Variants in SLC35F3 observed in about 807,000 individuals in gnomAD.
The protein encoded by SLC35F3 is solute carrier family 35 member F3.
A neutral mutation model predicts 49.9 loss-of-function variants in SLC35F3; 25 were observed. The observed-to-expected ratio is 0.50, with a 90% CI of 0.37 to 0.70. The LOEUF is 0.70. Among genes scored for constraint, SLC35F3 ranks in the 30% least tolerant of loss-of-function variants. The pLI, the probability that SLC35F3 is intolerant of heterozygous loss-of-function variation, is 0.00. For missense variants in SLC35F3, 525 were observed against 639.8 expected, an observed-to-expected ratio of 0.82 and a Z score of 1.94; for synonymous variants, 275 against 265.4, an observed-to-expected ratio of 1.04 and a Z score of -0.35.
intron 2 of SLC35F3, among the ~76,000 whole-genome samples, chr1:233,997,900 C>T (rs1279260140): frequency 1.3e-5 from 2 of 152,108 alleles, no homozygotes; most frequent in East Asian, 1.9e-4. Flanking sequence ...TACAGGCACC[C>T]ACCACCATGC....
Position 234,035,080 on chromosome 1 carries a change from A to C in SLC35F3, c.283+129322A>C, listed in dbSNP as rs148718059. Reference sequence around the variant, plus strand: ...TGCGCAGCTGTCATCCTGGCATCTCATTCTGGGTATTCACTCCCTGCCTTC... The same window carrying C: ...TGCGCAGCTGTCATCCTGGCATCTCCTTCTGGGTATTCACTCCCTGCCTTC... On this transcript the variant is annotated intron_variant, in intron 2 of 7. Transcript: ENST00000366618. Among the ~76,000 whole-genome samples the C allele has an allele frequency of 1.9e-3, 283 of 152,120 alleles. 1 individual carries two copies. Among genetic ancestry groups the C allele is most frequent in the Non-Finnish European group, 3.3e-3 (224 of 67,992 alleles).
intron 2 of SLC35F3, among the ~76,000 whole-genome samples, chr1:234,089,631 G>A (rs1394274935): frequency 3.9e-5 from 6 of 152,144 alleles, no homozygotes; most frequent in African/African-American, 1.4e-4. Context: ...GGTGTACCCC[G>A]GGGTGGTCAC....
At chr1:233,915,711 G>A (rs975975410) in intron 2 of SLC35F3, among the ~76,000 whole-genome samples, 6 of 152,166 alleles carry the variant, frequency 3.9e-5, no homozygotes, top group Non-Finnish European at 5.9e-5. Flanking sequence ...GGCTGGGGAA[G>A]CCTCACAATC....
At chr1:234,117,912 ATGTGTGTGTGTGTGTGTGTG>A (rs370186911) in intron 2 of SLC35F3, among the ~76,000 whole-genome samples, 45,208 of 113,838 alleles carry the variant, frequency 0.4, 12,194 homozygotes, top group Middle Eastern at 0.57. Flanking sequence ...AAGACTATAT[ATGTGTGTGTGTGTGTGTGTG>A]TGTGTGTGTG....
chr1:233,977,055 G>A lies in SLC35F3; in HGVS notation c.283+71297G>A, dbSNP rs1427440597. 3.9e-5 allele frequency among the ~76,000 whole-genome samples: 6 copies of A among 152,282 alleles called. No individual in the cohort carries two copies. In the East Asian group the frequency reaches 7.7e-4, roughly 20 times the overall value. ...GCATCCTTGTTAAAGTTAAAGAGTAGGACTTTCAAATGTCACCTGGTGAAA... is the reference window on the plus strand; with the variant it reads ...GCATCCTTGTTAAAGTTAAAGAGTAAGACTTTCAAATGTCACCTGGTGAAA... On this transcript the variant is annotated intron_variant, in intron 2 of 7. Transcript: ENST00000366618.
intron 2 of SLC35F3, among the ~76,000 whole-genome samples, chr1:234,193,556 C>A (rs995647265): frequency 6.6e-6 from 1 of 152,066 alleles, no homozygotes; most frequent in Non-Finnish European, 1.5e-5. Flanking sequence ...TGACCAAGAA[C>A]CCAAAAGCAA....
chr1:234,191,902 C>T (rs1666735966), intron 2 of SLC35F3, among the ~76,000 whole-genome samples: 1 of 151,850 alleles, frequency 6.6e-6, no homozygotes, highest in Non-Finnish European at 1.5e-5. Flanking sequence ...TAGATTAAGT[C>T]AGGAAGAATT....
In SLC35F3 at chr1:234,231,240, G is replaced by T. The variant is rs949082774; in HGVS notation, c.284-177G>T. Among the ~76,000 whole-genome samples the T allele has an allele frequency of 1.3e-5, 2 of 152,222 alleles. No individual in the cohort carries two copies. The highest frequency in any genetic ancestry group is 1.3e-4 in the Admixed American group (2 of 15,290). ...GGACCTGGAGGACAGGAAAACCAGT[G>T]CAAACGTTTTCTATTGCAGCTTGCT... On this transcript the variant is annotated intron_variant, in intron 2 of 7. Coordinates refer to ENST00000366618, the MANE Select transcript of SLC35F3 (RefSeq NM_173508.4). This position sits in a 1 kb window ranked among gnomAD's most constrained non-coding sequence, Gnocchi z 5.4.
intron 3 of SLC35F3, 57 bp from the exon 4 acceptor site, chr1:234,309,044 A>G: frequency 1.4e-6 from 2 of 1,457,408 alleles, no homozygotes; most frequent in Non-Finnish European, 9.4e-7. Flanking sequence ...TATAGGAAAT[A>G]AATGGTCTGT....
At chr1:234,097,319 A>G (rs1331449905) in intron 2 of SLC35F3, among the ~76,000 whole-genome samples, 1 of 152,138 alleles carries the variant, frequency 6.6e-6, no homozygotes, top group East Asian at 1.9e-4. Flanking sequence ...ACCAAAAATC[A>G]CTTGTACCCC....
chr1:234,320,906 T>G lies in SLC35F3; in HGVS notation c.1237+719T>G, dbSNP rs1211822989. Among the ~76,000 whole-genome samples the G allele has an allele frequency of 6.6e-6, 1 of 152,094 alleles. No individual in the cohort carries two copies. Among genetic ancestry groups the G allele is most frequent in the Non-Finnish European group, 1.5e-5 (1 of 67,996 alleles). ...CTCCTGGCCTCATACCTGACCTCCCTAGGCATCCTTCTCTCAGCCAGAAAA... is the reference window on the plus strand; with the variant it reads ...CTCCTGGCCTCATACCTGACCTCCCGAGGCATCCTTCTCTCAGCCAGAAAA... On this transcript the variant is annotated intron_variant, in intron 7 of 7. Coordinates refer to ENST00000366618, the MANE Select transcript of SLC35F3 (RefSeq NM_173508.4). The surrounding 1 kb of genome is among the most constrained non-coding windows in gnomAD (Gnocchi z 4.8).
rs150879777 is a variant in SLC35F3, at chr1:234,132,360, A to C, written c.284-99057A>C. 8.5e-5 allele frequency among the ~76,000 whole-genome samples: 13 copies of C among 152,380 alleles called. No individual in the cohort carries two copies. In the East Asian group the frequency reaches 2.3e-3, roughly 27 times the overall value. On this transcript the variant is annotated intron_variant, in intron 2 of 7. Coordinates refer to ENST00000366618, the MANE Select transcript of SLC35F3 (RefSeq NM_173508.4). ...TTGCTATAAGCAATGTACAATAAGCACTAGTATACATCCATAATTAGTTTC... is the reference window on the plus strand; with the variant it reads ...TTGCTATAAGCAATGTACAATAAGCCCTAGTATACATCCATAATTAGTTTC...
chr1:234,106,938 G>A (rs1665293227), intron 2 of SLC35F3, among the ~76,000 whole-genome samples: 1 of 152,162 alleles, frequency 6.6e-6, no homozygotes. Flanking sequence ...CATCCTTCTT[G>A]TCATTTATAA....
At chr1:234,282,895 G>T (rs1668352173) in intron 3 of SLC35F3, among the ~76,000 whole-genome samples, 1 of 152,202 alleles carries the variant, frequency 6.6e-6, no homozygotes, top group Non-Finnish European at 1.5e-5. Context: ...TGGGGAATGG[G>T]TTATTAAAGG....
intron 2 of SLC35F3, among the ~76,000 whole-genome samples, chr1:233,955,826 A>G (rs971318666): frequency 6.2e-5 from 9 of 144,480 alleles, no homozygotes; most frequent in Non-Finnish European, 1.2e-4. Context: ...TCTTTGGTCA[A>G]CTGTGTTTCC....
At chr1:234,290,975 G>T (rs946233628) in intron 3 of SLC35F3, among the ~76,000 whole-genome samples, 1 of 152,088 alleles carries the variant, frequency 6.6e-6, no homozygotes, top group Non-Finnish European at 1.5e-5. Flanking sequence ...GTAAGGAGAG[G>T]CCACCAATAG....
At chr1:233,915,362 C>T (rs1038696535) in intron 2 of SLC35F3, among the ~76,000 whole-genome samples, 2 of 152,140 alleles carry the variant, frequency 1.3e-5, no homozygotes, top group African/African-American at 4.8e-5. Context: ...TGAGTCAGCT[C>T]ATTTTTGATG....
chr1:234,217,193 G>T (rs1445909247), intron 2 of SLC35F3, among the ~76,000 whole-genome samples: 1 of 152,194 alleles, frequency 6.6e-6, no homozygotes, highest in Non-Finnish European at 1.5e-5. Flanking sequence ...TGTCATCTAA[G>T]GGGAGGCAAG....
chr1:234,197,171 G>C lies in SLC35F3; in HGVS notation c.284-34246G>C, dbSNP rs1666826385. Among the ~76,000 whole-genome samples, 4 of 152,106 alleles carry C rather than the reference G, an allele frequency of 2.6e-5. No individual in the cohort carries two copies. The South Asian group carries it at 8.3e-4, about 32-fold the overall frequency. ...AGTTGATCCATGTGAAACTCATCTG[G>C]GTTTGCTAACTGGTGCATATCAAAG... On this transcript the variant is annotated intron_variant, in intron 2 of 7. Transcript: ENST00000366618.
Sources: allele counts gnomAD v4.1 joint callset (sites outside exome capture counted in the v4.1 genomes callset), GRCh38; gene constraint gnomAD v4.1.1; non-coding constraint Gnocchi (gnomAD v3.1); transcripts MANE v1.5; gene names NCBI Gene and HGNC (gene_info 2026-07-23, HGNC 2026-07-21).